Variants in CCDC181 observed in about 807,000 individuals in gnomAD.
The protein encoded by CCDC181 is coiled-coil domain containing 181.
A neutral mutation model predicts 58.7 loss-of-function variants in CCDC181; 35 were observed. The ratio of observed to expected loss-of-function variants is 0.60; its 90% CI spans 0.46 to 0.79. CCDC181 has a LOEUF of 0.79. Ranked by LOEUF, CCDC181 falls within the 30% of genes least tolerant of loss-of-function variation. The pLI is 0.00. For synonymous variants in CCDC181, 183 were observed against 197.5 expected (o/e 0.93, Z 0.62); for missense variants, 517 against 583.9 (o/e 0.89, Z 1.18).
At chr1:169,440,905 A>C (rs1485926687) in intron 2 of CCDC181, among the ~76,000 whole-genome samples, 1 of 143,110 alleles carries the variant, frequency 7.0e-6, no homozygotes, top group Non-Finnish European at 1.6e-5. Flanking sequence ...ACTGCACTCC[A>C]GCCCAGGCAA....
intron 4 of CCDC181, among the ~76,000 whole-genome samples, chr1:169,404,460 C>T (rs1017246972): frequency 6.6e-6 from 1 of 152,206 alleles, no homozygotes; most frequent in Admixed American, 6.5e-5. Context: ...AGCTTATCCA[C>T]CATGATCAAG....
rs751528106 is a variant in CCDC181, at chr1:169,421,786, C to G, written c.645G>C (p.Arg215Ser). The G allele has an allele frequency of 3.7e-6, 6 of 1,613,986 alleles. No homozygotes were observed. In the African/African-American group the frequency reaches 8.0e-5, roughly 22 times the overall value. ...TTCCATCTCTCTCTACCAGTATTGT[C>G]CTATCCTTGTTTTCTTCACAGCTTC... is the stretch of plus-strand genomic sequence containing the variant. The part of the protein sequence containing the change: ...TNGSCEENKD[R>S]TILVERDGKF... The change falls in exon 3 of 6, where the codon AGG (arginine) becomes AGC (serine). Residue 215 changes from arginine to serine, a missense_variant. Transcript: ENST00000367806.
chr1:169,403,427 A>C (rs1005701069), intron 4 of CCDC181, among the ~76,000 whole-genome samples: 1 of 152,282 alleles, frequency 6.6e-6, no homozygotes, highest in African/African-American at 2.4e-5. Flanking sequence ...ACTCCTCAGC[A>C]AATGTAAAAA....
chr1:169,430,733 A>G (rs1192094364), upstream of CCDC181, among the ~76,000 whole-genome samples: 1 of 152,166 alleles, frequency 6.6e-6, no homozygotes, highest in African/African-American at 2.4e-5. Context: ...ATTTTTATTG[A>G]AAATGAAAGT....
Position 169,421,362 on chromosome 1 carries a change from CCT to C in CCDC181, c.1067_1068del (p.Glu356GlyfsTer17). ...LEEKREKLKREEERRKIEEEK... is the reference protein window; with the variant it reads ...LEEKREKLKRXEERRKIEEEK... ...AATATAATGCCCACTTAGGTTCTCACCTCTCTTTTCAGTTTTTCTCTCTTTTC... is the reference window on the plus strand; with the variant it reads ...AATATAATGCCCACTTAGGTTCTCACCTCTTTTCAGTTTTTCTCTCTTTTC... On this transcript the variant is annotated frameshift_variant and splice_region_variant, in exon 3 of 6. Transcript: ENST00000367806. LOFTEE classifies it high-confidence loss of function. 4.4e-6 allele frequency: 7 copies of C among 1,597,052 alleles called. No homozygotes were observed. The highest frequency in any genetic ancestry group is 6.0e-6 in the Non-Finnish European group (7 of 1,172,092).
chr1:169,422,398 ATTTAT>A, intron 2 of CCDC181, 85 bp from the exon 3 acceptor site: 2 of 967,784 alleles, frequency 2.1e-6, no homozygotes, highest in South Asian at 2.4e-5. Flanking sequence ...TGTTCATGTA[ATTTAT>A]TTTATGAATG....
chr1:169,406,291 T>G (rs1655652130), intron 4 of CCDC181, among the ~76,000 whole-genome samples: 1 of 152,178 alleles, frequency 6.6e-6, no homozygotes, highest in Non-Finnish European at 1.5e-5. Flanking sequence ...GCCATCCCAT[T>G]ACTGGGTATA....
At chr1:169,447,237 C>T (rs940258295) in intron 2 of CCDC181, among the ~76,000 whole-genome samples, 3 of 152,050 alleles carry the variant, frequency 2.0e-5, no homozygotes, top group East Asian at 1.9e-4. Context: ...CTTAGCCTCC[C>T]GAGTAGCTGG....
At chr1:169,427,642 T>G (rs1656775863), upstream of CCDC181, among the ~76,000 whole-genome samples, 1 of 152,380 alleles carries the variant, frequency 6.6e-6, no homozygotes, top group Non-Finnish European at 1.5e-5. Context: ...CTGTGTTGGT[T>G]GTGAAATTTC....
At chr1:169,457,040 G>C (rs1657694005) in intron 2 of CCDC181, among the ~76,000 whole-genome samples, 1 of 152,122 alleles carries the variant, frequency 6.6e-6, no homozygotes, top group African/African-American at 2.4e-5. Context: ...TTTTAGGTAG[G>C]AAGTTATTTT....
chr1:169,428,631 TAG>T (rs1261710054), upstream of CCDC181, among the ~76,000 whole-genome samples: 1 of 151,994 alleles, frequency 6.6e-6, no homozygotes, highest in African/African-American at 2.4e-5. Flanking sequence ...ACCCAATATG[TAG>T]AGTTTTTTTG....
intron 2 of CCDC181, among the ~76,000 whole-genome samples, chr1:169,445,847 G>T (rs1241201035): frequency 2.6e-5 from 4 of 152,020 alleles, no homozygotes; most frequent in African/African-American, 9.7e-5. Context: ...TTTCAAGGAG[G>T]TAGTGCATTT....
At chr1:169,438,028 C>G (rs1359512209) in intron 2 of CCDC181, among the ~76,000 whole-genome samples, 1 of 152,012 alleles carries the variant, frequency 6.6e-6, no homozygotes, top group African/African-American at 2.4e-5. Flanking sequence ...TTTCACGGAC[C>G]TGCAGCAAAG....
rs187334513 is a variant in CCDC181, at chr1:169,422,241, G to A, written c.190C>T (p.Arg64Trp). 43 of 1,612,620 alleles carry A rather than the reference G, an allele frequency of 2.7e-5. No individual in the cohort carries two copies. Among genetic ancestry groups the A allele is most frequent in the Middle Eastern group, 1.7e-4 (1 of 6,060 alleles). ...ENETVMEHTK[R>W]HSDPDKSLQD... ...AAAGATTTGTCAGGATCAGAATGCC[G>A]TTTGGTGTGCTCCATTACTGTCTCA... The change falls in exon 3 of 6, where the codon CGG becomes TGG. Residue 64 changes from arginine to tryptophan, a missense_variant. Physicochemically the swap from Arg to Trp is moderately radical, Grantham distance 101. Transcript: ENST00000367806.
intron 4 of CCDC181, among the ~76,000 whole-genome samples, chr1:169,407,057 G>GAAAAAAAAAAAAAAAAAAAAAAAA (rs33976978): frequency 8.4e-6 from 1 of 118,934 alleles, no homozygotes; most frequent in African/African-American, 3.3e-5. Context: ...AGATGAGGCA[G>GAAAAAAAAAAAAAAAAAAAAAAAA]AAAAAAAAAA....
intron 4 of CCDC181, among the ~76,000 whole-genome samples, chr1:169,403,231 C>T (rs1655455760): frequency 6.6e-6 from 1 of 152,184 alleles, no homozygotes; most frequent in African/African-American, 2.4e-5. Context: ...TAACACCCCA[C>T]TGTTAACATT....
At chr1:169,459,587 G>A (rs537513487) in intron 2 of CCDC181, among the ~76,000 whole-genome samples, 1 of 152,176 alleles carries the variant, frequency 6.6e-6, no homozygotes, top group East Asian at 1.9e-4. Flanking sequence ...GAGGAGCACA[G>A]AATAAAAAAG....
chr1:169,440,817 C>T (rs1226147803), intron 2 of CCDC181, among the ~76,000 whole-genome samples: 2 of 151,410 alleles, frequency 1.3e-5, no homozygotes, highest in Admixed American at 6.6e-5. Flanking sequence ...ACCTGTAATC[C>T]CAGCTACTTG....
chr1:169,405,155 A>G (rs992160228), intron 4 of CCDC181, among the ~76,000 whole-genome samples: 1 of 152,334 alleles, frequency 6.6e-6, no homozygotes, highest in Admixed American at 6.5e-5. Flanking sequence ...CAATGAAATA[A>G]GAGGACACAA....
Sources: gnomAD v4.1 joint callset for allele counts (sites outside exome capture counted in the v4.1 genomes callset) on GRCh38, gnomAD v4.1.1 for gene constraint, MANE v1.5 for transcripts, NCBI Gene and HGNC (gene_info 2026-07-23, HGNC 2026-07-21) for gene names.